GLI2: variants seen among roughly 807,000 people sequenced by gnomAD.
GLI2 encodes the protein GLI family zinc finger 2.
Under a neutral mutation model 78.9 loss-of-function variants are expected in GLI2, and 22 were observed. That is an observed-to-expected ratio of 0.28 (90% CI 0.20 to 0.40). The LOEUF (loss-of-function observed/expected upper bound fraction) is 0.40. Among genes scored for constraint, GLI2 ranks in the 10% least tolerant of loss-of-function variants. The probability of loss-of-function intolerance (pLI) is 1.00; values close to 1 mark genes in which losing one functional copy is unlikely to be tolerated. For synonymous variants in GLI2, 974 were observed against 963.7 expected, an observed-to-expected ratio of 1.01 and a Z score of -0.20; for missense variants, 2,097 against 2,213.2, an observed-to-expected ratio of 0.95 and a Z score of 1.05.
In GLI2 at chr2:120,793,573, G is replaced by A. The variant is rs150297916; in HGVS notation, c.-30-3718G>A. On this transcript the variant is annotated intron_variant, in intron 1 of 13. Coordinates refer to ENST00000361492, the MANE Select transcript of GLI2 (RefSeq NM_001374353.1). ...AATTGTGCTAATCCCGCTAATTCCT[G>A]TGATTTACACAGCCTCTTGGCTCTG... Among the ~76,000 whole-genome samples the A allele has an allele frequency of 4.5e-3, 692 of 152,312 alleles. 5 individuals are homozygous for A. The highest frequency in any genetic ancestry group is 0.016 in the African/African-American group (667 of 41,574).
chr2:120,908,150 T>G (rs747554812), intron 2 of GLI2, among the ~76,000 whole-genome samples: 1 of 152,166 alleles, frequency 6.6e-6, no homozygotes, highest in East Asian at 1.9e-4. Flanking sequence ...GGGACTCTTA[T>G]AGCAGAGGAG....
At chr2:120,896,287 G>C (rs1677940179) in intron 2 of GLI2, among the ~76,000 whole-genome samples, 1 of 151,846 alleles carries the variant, frequency 6.6e-6, no homozygotes, top group African/African-American at 2.4e-5. Flanking sequence ...CCCAGGCCTA[G>C]TGGGAGACTC....
At chr2:120,749,421 C>A (rs1682799533) in intron 1 of GLI2, among the ~76,000 whole-genome samples, 1 of 152,156 alleles carries the variant, frequency 6.6e-6, no homozygotes, top group Non-Finnish European at 1.5e-5. Context: ...TTGGACCCCA[C>A]ACATAATCTC....
At chr2:120,887,125 G>A (rs1239985235) in intron 2 of GLI2, among the ~76,000 whole-genome samples, 1 of 152,192 alleles carries the variant, frequency 6.6e-6, no homozygotes, top group Non-Finnish European at 1.5e-5. Context: ...AATGCCTGTG[G>A]TCCTTGAAAG....
chr2:120,859,194 C>A (rs1687792457), intron 2 of GLI2, among the ~76,000 whole-genome samples: 1 of 152,174 alleles, frequency 6.6e-6, no homozygotes, highest in African/African-American at 2.4e-5. Context: ...ATGGGAGAGG[C>A]CTTTGTCGTT....
chr2:120,905,253 A>C (rs1678466197), intron 2 of GLI2, among the ~76,000 whole-genome samples: 2 of 152,094 alleles, frequency 1.3e-5, no homozygotes, highest in Non-Finnish European at 2.9e-5. Flanking sequence ...GGGGAAGCCC[A>C]AACTCAGCCT....
At chr2:120,894,402 C>T (rs1252712763) in intron 2 of GLI2, among the ~76,000 whole-genome samples, 1 of 152,210 alleles carries the variant, frequency 6.6e-6, no homozygotes, top group Non-Finnish European at 1.5e-5. Context: ...GTTTCAGCTA[C>T]GCCTCTGGGG....
intron 2 of GLI2, among the ~76,000 whole-genome samples, chr2:120,921,440 G>C (rs555694535): frequency 6.9e-4 from 105 of 152,160 alleles, no homozygotes; most frequent in African/African-American, 2.5e-3. Context: ...CTGCTCAGGA[G>C]GTCCCTCCTG....
intron 1 of GLI2, among the ~76,000 whole-genome samples, chr2:120,749,289 A>G (rs1682791218): frequency 6.6e-6 from 1 of 152,244 alleles, no homozygotes; most frequent in Non-Finnish European, 1.5e-5. Context: ...TAAGTTAACC[A>G]GGTAGTCTCC....
chr2:120,908,441 A>G (rs1678652764), intron 2 of GLI2, among the ~76,000 whole-genome samples: 1 of 152,156 alleles, frequency 6.6e-6, no homozygotes, highest in Non-Finnish European at 1.5e-5. Context: ...TCTTCTGAGC[A>G]CTGGATCTGC....
intron 7 of GLI2, among the ~76,000 whole-genome samples, chr2:120,970,905 T>C (rs1682117659): frequency 6.6e-6 from 1 of 152,290 alleles, no homozygotes; most frequent in South Asian, 2.1e-4. Context: ...GCACATAGCA[T>C]GGGTGGGTGA....
intron 2 of GLI2, among the ~76,000 whole-genome samples, chr2:120,894,405 C>T (rs941324519): frequency 6.6e-6 from 1 of 152,186 alleles, no homozygotes; most frequent in Non-Finnish European, 1.5e-5. Context: ...TCAGCTACGC[C>T]TCTGGGGGAC....
intron 2 of GLI2, among the ~76,000 whole-genome samples, chr2:120,806,013 A>G (rs1321920469): frequency 6.6e-6 from 1 of 152,234 alleles, no homozygotes; most frequent in Non-Finnish European, 1.5e-5. Context: ...CTGTGTTTTA[A>G]TGTGTTATTT....
chr2:120,756,195 C>T (rs755363506), intron 1 of GLI2, among the ~76,000 whole-genome samples: 1 of 152,136 alleles, frequency 6.6e-6, no homozygotes, highest in Non-Finnish European at 1.5e-5. Flanking sequence ...AGTAATCTGG[C>T]TCATGAACGA....
intron 2 of GLI2, among the ~76,000 whole-genome samples, chr2:120,815,875 G>A (rs1219142775): frequency 6.6e-6 from 1 of 152,192 alleles, no homozygotes; most frequent in East Asian, 1.9e-4. Context: ...GGTGTTAGGT[G>A]TGACGTGGGG....
chr2:120,780,872 A>G (rs1371524368), intron 1 of GLI2, among the ~76,000 whole-genome samples: 1 of 152,148 alleles, frequency 6.6e-6, no homozygotes, highest in African/African-American at 2.4e-5. Context: ...GCTGTGTTAC[A>G]GCTTCTGGAC....
intron 5 of GLI2, 48 bp from the exon 6 acceptor site, chr2:120,968,666 C>T: frequency 7.5e-7 from 1 of 1,329,206 alleles, no homozygotes; most frequent in Non-Finnish European, 1.1e-6. Flanking sequence ...GTCACCCCCT[C>T]CCCCATCCCC....
chr2:120,943,183 G>A (rs1011942156), intron 3 of GLI2, among the ~76,000 whole-genome samples: 1 of 152,200 alleles, frequency 6.6e-6, no homozygotes, highest in Non-Finnish European at 1.5e-5. Flanking sequence ...TAACACAGAA[G>A]CACCGTAGGA....
chr2:120,953,741 T>C (rs1681104297), intron 4 of GLI2, among the ~76,000 whole-genome samples: 1 of 152,052 alleles, frequency 6.6e-6, no homozygotes, highest in African/African-American at 2.4e-5. Context: ...TGTAATTGGA[T>C]TTTCGGAGGC....
Sources: gnomAD v4.1 joint callset for allele counts (sites outside exome capture counted in the v4.1 genomes callset) on GRCh38, gnomAD v4.1.1 for gene constraint, MANE v1.5 for transcripts, NCBI Gene and HGNC (gene_info 2026-07-23, HGNC 2026-07-21) for gene names.